Variants in MMRN1 observed in about 807,000 individuals in gnomAD.
MMRN1 encodes multimerin-1.
MMRN1 carries 94 observed loss-of-function variants against 100.7 expected under a neutral mutation model. That is an observed-to-expected ratio of 0.93 (90% CI 0.79 to 1.11). MMRN1 has a LOEUF of 1.11. Among genes scored for constraint, MMRN1 ranks in the 50% least tolerant of loss-of-function variants. The pLI is 0.00. For missense variants in MMRN1, 1,606 were observed against 1,439.1 expected (o/e 1.12, Z -1.88); for synonymous variants, 575 against 505.0 (o/e 1.14, Z -1.86).
At chr4:89,927,708 G>A in intron 4 of MMRN1, 87 bp from the exon 5 acceptor site, 1 of 1,191,458 alleles carries the variant, frequency 8.4e-7, no homozygotes, top group Non-Finnish European at 1.2e-6. Context: ...CAGAAGAAAG[G>A]GTTTTAGTTT....
rs530053230 is a variant in MMRN1 at position 89,888,049 on chromosome 4, T to C, written c.-248-6675T>C. Among the ~76,000 whole-genome samples, 491 of 152,090 alleles carry C rather than the reference T, an allele frequency of 3.2e-3. 3 individuals are homozygous for C. Among genetic ancestry groups the C allele is most frequent in the Non-Finnish European group, 4.8e-3 (327 of 67,908 alleles). The stretch of plus-strand genomic sequence containing the variant: ...TTCACATATTCATCTTTTTTGACTC[T>C]ATAATAAAGATAATATCAATTATCT... On this transcript the variant is annotated intron_variant, in intron 1 of 8. Transcript: ENST00000394980.
chr4:89,926,960 C>G, intron 4 of MMRN1, among the ~76,000 whole-genome samples: 1 of 151,988 alleles, frequency 6.6e-6, no homozygotes, highest in South Asian at 2.1e-4. Flanking sequence ...TTTCTGGGTT[C>G]TCTATTCTAT....
intron 5 of MMRN1, among the ~76,000 whole-genome samples, chr4:89,932,241 G>A (rs1578492149): frequency 6.6e-6 from 1 of 152,150 alleles, no homozygotes; most frequent in East Asian, 1.9e-4. Context: ...TCACATCCAG[G>A]TCACACTGAT....
Position 89,935,400 on chromosome 4 carries a change from A to G in MMRN1, c.1720A>G (p.Ile574Val). Reference protein sequence around the residue: ...FEDLHIQESKINNLTVSLEME... With the variant: ...FEDLHIQESKVNNLTVSLEME... ...AGATTTGCACATTCAAGAAAGCAAGATTAACAATCTCACCGTCTCTTTGGA... is the reference window on the plus strand; with the variant it reads ...AGATTTGCACATTCAAGAAAGCAAGGTTAACAATCTCACCGTCTCTTTGGA... Residue 574 changes from isoleucine to valine, a missense_variant, in exon 6 of 8, where the codon ATT becomes GTT. Ile to Val is a conservative substitution (Grantham distance 29, BLOSUM62 3). Transcript: ENST00000264790. The G allele has an allele frequency of 6.2e-7, 1 of 1,613,470 alleles. No homozygotes were observed.
rs1483189147 is a variant in MMRN1, at chr4:89,936,205, G to A, written c.2525G>A (p.Ser842Asn). The A allele has an allele frequency of 6.2e-7, 1 of 1,605,698 alleles. No homozygotes were observed. Among genetic ancestry groups the A allele is most frequent in the African/African-American group, 1.3e-5 (1 of 74,464 alleles). ...GTGAGAAAATACCAGCAAAATATGA[G>A]TCATTTGGAAGAAAAACTACTCTTA... is the stretch of plus-strand genomic sequence containing the variant. ...SQVRKYQQNM[S>N]HLEEKLLLTT... Residue 842 changes from serine (S) to asparagine (N), a missense_variant, in exon 6 of 8, where the codon AGT becomes AAT. Ser to Asn is a conservative substitution (Grantham distance 46, BLOSUM62 1). Transcript: ENST00000264790.
rs370372277 is a variant in MMRN1, at chr4:89,936,436, C to T, written c.2756C>T (p.Ser919Leu). The change falls in exon 6 of 8, where the codon TCG becomes TTG. Residue 919 changes from serine (S) to leucine (L), a missense_variant. Ser to Leu is a moderately radical substitution (Grantham distance 145). Transcript: ENST00000264790. ...ATCCATCTTTCAATTAACTTCTTTT[C>T]GCTTAACAAAACTCTCCACGAAGTT... is the stretch of plus-strand genomic sequence containing the variant. ...KSIHLSINFFSLNKTLHEVLT... is the reference protein window; with the variant it reads ...KSIHLSINFFLLNKTLHEVLT... 16 of 1,610,090 alleles carry T rather than the reference C, an allele frequency of 9.9e-6. No homozygotes were observed. Among genetic ancestry groups the T allele is most frequent in the Middle Eastern group, 1.7e-4 (1 of 6,056 alleles).
At chr4:89,942,939 C>T (rs948890216) in intron 6 of MMRN1, among the ~76,000 whole-genome samples, 1 of 152,020 alleles carries the variant, frequency 6.6e-6, no homozygotes, top group South Asian at 2.1e-4. Context: ...TAATCTTAAA[C>T]GAGTGTTAAG....
intron 1 of MMRN1, chr4:89,879,734 A>G (rs1342496868): frequency 6.6e-6 from 1 of 152,184 alleles, no homozygotes. Flanking sequence ...TGTAACATAC[A>G]CTGTCTTTAA....
intron 1 of MMRN1, among the ~76,000 whole-genome samples, chr4:89,888,773 T>C (rs1720989769): frequency 6.6e-6 from 1 of 152,150 alleles, no homozygotes; most frequent in Admixed American, 6.6e-5. Context: ...ATTCCTGGCA[T>C]TTTCATTCAA....
chr4:89,885,181 C>T (rs1322435321), intron 1 of MMRN1, among the ~76,000 whole-genome samples: 2 of 131,840 alleles, frequency 1.5e-5, no homozygotes, highest in Non-Finnish European at 3.2e-5. Flanking sequence ...TTTCTCTTTT[C>T]TGTCTCTGTC....
chr4:89,939,748 C>T (rs1722764813), intron 6 of MMRN1, among the ~76,000 whole-genome samples: 1 of 152,182 alleles, frequency 6.6e-6, no homozygotes, highest in Non-Finnish European at 1.5e-5. Flanking sequence ...ATATGTTCTT[C>T]AGTCTGGCCA....
At position 89,923,281 on chromosome 4, in the gene MMRN1, T is replaced by C. The variant is rs994495320; in HGVS notation, c.955+9T>C. On this transcript the variant is annotated intron_variant, in intron 4 of 7. Transcript: ENST00000264790. ...AGGCTGTGGTGACCCAGGTCATAGATTGTAATTACTATCATCTCTGACCCA... is the reference window on the plus strand; with the variant it reads ...AGGCTGTGGTGACCCAGGTCATAGACTGTAATTACTATCATCTCTGACCCA... 1.2e-6 allele frequency: 2 copies of C among 1,608,550 alleles called. No homozygotes were observed. The highest frequency in any genetic ancestry group is 2.7e-5 in the African/African-American group (2 of 74,926).
chr4:89,888,355 T>C (rs1261939126), intron 1 of MMRN1, among the ~76,000 whole-genome samples: 1 of 151,898 alleles, frequency 6.6e-6, no homozygotes, highest in Non-Finnish European at 1.5e-5. Flanking sequence ...TTGAGCACTT[T>C]AAAGATGTAA....
intron 1 of MMRN1, among the ~76,000 whole-genome samples, chr4:89,907,946 T>C (rs954073266): frequency 5.3e-5 from 8 of 151,434 alleles, no homozygotes; most frequent in African/African-American, 1.9e-4. Context: ...ACTATGTTAT[T>C]AGTGTCTGGA....
upstream of MMRN1, among the ~76,000 whole-genome samples, chr4:89,890,116 G>T (rs115426659): frequency 0.011 from 1,692 of 152,078 alleles, 35 homozygotes; most frequent in African/African-American, 0.038. Flanking sequence ...CCTTCTCTGA[G>T]ACTACCCCAA....
At position 89,936,695 on chromosome 4, in the gene MMRN1, A is replaced by C; in HGVS notation, c.3015A>C (p.Lys1005Asn). ...ANVVKSQKQV[K>N]SLPKKINALK... Reference sequence around the variant, plus strand: ...TTGTCAAGTCTCAGAAGCAAGTAAAATCATTGCCAAAGAAAATTAACGCAC... The same window carrying C: ...TTGTCAAGTCTCAGAAGCAAGTAAACTCATTGCCAAAGAAAATTAACGCAC... The change falls in exon 6 of 8, where the codon AAA becomes AAC. Residue 1005 changes from lysine (K) to asparagine (N), a missense_variant. Physicochemically the swap from Lys to Asn is moderately conservative, Grantham distance 94. Coordinates refer to ENST00000264790, the MANE Select transcript of MMRN1 (RefSeq NM_007351.3). The C allele has an allele frequency of 6.2e-7, 1 of 1,609,644 alleles. No homozygotes were observed. Among genetic ancestry groups the C allele is most frequent in the Non-Finnish European group, 8.5e-7 (1 of 1,175,908 alleles).
At chr4:89,940,554 T>C (rs551237588) in intron 6 of MMRN1, among the ~76,000 whole-genome samples, 312 of 152,268 alleles carry the variant, frequency 2.0e-3, no homozygotes, top group Non-Finnish European at 3.6e-3. Context: ...TAGAGGCAGC[T>C]GTGATGACTA....
chr4:89,937,597 TA>T (rs759339456), intron 6 of MMRN1, among the ~76,000 whole-genome samples: 3 of 152,050 alleles, frequency 2.0e-5, no homozygotes, highest in Non-Finnish European at 2.9e-5. Flanking sequence ...TAGCACTAGG[TA>T]AAAAGTTCAC....
chr4:89,936,094 C>T lies in MMRN1; in HGVS notation c.2414C>T (p.Thr805Ile). 6.2e-7 allele frequency: 1 copy of T among 1,612,350 alleles called. No individual in the cohort carries two copies. The highest frequency in any genetic ancestry group is 8.5e-7 in the Non-Finnish European group (1 of 1,179,426). The change falls in exon 6 of 8, where the codon ACC becomes ATC. Residue 805 changes from threonine (T) to isoleucine (I), a missense_variant. Transcript: ENST00000264790. ...AACTTTGTTTTGCAAGTCGCCAAGA[C>T]CCTTGCAGGTATTCCCAGAGATGAG... The part of the protein sequence containing the change: ...RYNFVLQVAK[T>I]LAGIPRDEKL...
Sources: allele counts gnomAD v4.1 joint callset (sites outside exome capture counted in the v4.1 genomes callset), GRCh38; gene constraint gnomAD v4.1.1; transcripts MANE v1.5; gene names NCBI Gene and HGNC (gene_info 2026-07-23, HGNC 2026-07-21).